Variants in TMEM41A observed in about 807,000 individuals in gnomAD.
TMEM41A encodes transmembrane protein 41A.
TMEM41A carries 20 observed loss-of-function variants against 25.7 expected under a neutral mutation model. The ratio of observed to expected loss-of-function variants is 0.78; its 90% CI spans 0.55 to 1.13. TMEM41A has a LOEUF of 1.13. Among genes scored for constraint, TMEM41A ranks in the 50% most tolerant of loss-of-function variants. The pLI, the probability that TMEM41A is intolerant of heterozygous loss-of-function variation, is 0.00. For synonymous variants in TMEM41A, 133 were observed against 139.6 expected, an observed-to-expected ratio of 0.95 and a Z score of 0.33; for missense variants, 299 against 314.3, an observed-to-expected ratio of 0.95 and a Z score of 0.37.
intron 3 of TMEM41A, 51 bp from the exon 4 acceptor site, chr3:185,494,812 G>A: frequency 1.9e-6 from 3 of 1,539,254 alleles, no homozygotes; most frequent in Non-Finnish European, 2.6e-6. Context: ...GTCTCCAGGT[G>A]TTGAAAACCT....
rs985244155 is a variant in TMEM41A at position 185,494,609 on chromosome 3, C to G, written c.574+14G>C. 1 of 1,583,606 alleles carries G rather than the reference C, an allele frequency of 6.3e-7. No homozygotes were observed. Among genetic ancestry groups the G allele is most frequent in the Non-Finnish European group, 8.6e-7 (1 of 1,167,266 alleles). ...CAGCTCTGAAGACTCAAACCTACCC[C>G]ACTAGCATCTTACCGATAAGAACTG... is the stretch of plus-strand genomic sequence containing the variant. On this transcript the variant is annotated intron_variant, in intron 4 of 4. Transcript: ENST00000421852.
intron 2 of TMEM41A, chr3:185,496,564 G>A (rs777577414): frequency 2.1e-5 from 11 of 517,446 alleles, no homozygotes; most frequent in Non-Finnish European, 3.5e-5. Context: ...TTCCGACAAG[G>A]AAACTGTTTG....
chr3:185,494,572 C>A (rs2148939099), intron 4 of TMEM41A, 51 bp downstream of exon 4: 1 of 1,510,276 alleles, frequency 6.6e-7, no homozygotes, highest in Non-Finnish European at 8.8e-7. Flanking sequence ...CCAGGGCAGA[C>A]CCCCAGCGTG....
In TMEM41A at chr3:185,491,698, A is replaced by G. The variant is rs745704425; in HGVS notation, c.634T>C (p.Ser212Pro). 1.9e-6 allele frequency: 3 copies of G among 1,614,228 alleles called. No individual in the cohort carries two copies. The highest frequency in any genetic ancestry group is 2.5e-6 in the Non-Finnish European group (3 of 1,180,038). The change falls in exon 5 of 5, where the codon TCT (serine) becomes CCT (proline). Residue 212 changes from serine to proline, a missense_variant. Coordinates refer to ENST00000421852, the MANE Select transcript of TMEM41A (RefSeq NM_080652.4). Reference sequence around the variant, plus strand: ...TCCCAGGAGAAAAGAGCATCCAGAGAGGTTAGGGTTGACAGGATGGACCCT... The same window carrying G: ...TCCCAGGAGAAAAGAGCATCCAGAGGGGTTAGGGTTGACAGGATGGACCCT... Reference protein sequence around the residue: ...QTGSILSTLTSLDALFSWDTV... With the variant: ...QTGSILSTLTPLDALFSWDTV...
chr3:185,496,767 AG>A (rs1324281971), intron 2 of TMEM41A, 60 bp downstream of exon 2: 1 of 1,554,692 alleles, frequency 6.4e-7, no homozygotes, highest in South Asian at 1.2e-5. Flanking sequence ...ATGAGGTTAC[AG>A]GGGAGTATCC....
intron 4 of TMEM41A, 106 bp from the exon 5 acceptor site, chr3:185,491,863 G>A: frequency 1.3e-6 from 1 of 768,942 alleles, no homozygotes; most frequent in East Asian, 2.7e-5. Context: ...TTTTTTGCTT[G>A]ACTCTTGACC....
rs146903551 is a variant in TMEM41A at position 185,494,623 on chromosome 3, C to A, written c.574G>T (p.Gly192Cys). ...IVQFFFSVLIGLIPYNFICVQ... is the reference protein window; with the variant it reads ...IVQFFFSVLICLIPYNFICVQ... ...CAAACCTACCCCACTAGCATCTTAC[C>A]GATAAGAACTGAGAAGAAGAACTGC... The change falls in exon 4 of 5, where the codon GGT becomes TGT. Residue 192 changes from glycine to cysteine, a missense_variant and splice_region_variant. Coordinates refer to ENST00000421852, the MANE Select transcript of TMEM41A (RefSeq NM_080652.4). 6.3e-7 allele frequency: 1 copy of A among 1,590,412 alleles called. No individual in the cohort carries two copies.
intron 4 of TMEM41A, 106 bp downstream of exon 4, chr3:185,494,517 A>G (rs1339586418): frequency 1.9e-5 from 24 of 1,270,280 alleles, no homozygotes; most frequent in Non-Finnish European, 2.4e-5. Flanking sequence ...ACACTTTGTG[A>G]GCCTGTGTTC....
At position 185,494,624 on chromosome 3, in the gene TMEM41A, G is replaced by A. The variant is rs372189636; in HGVS notation, c.573C>T (p.Ile191=). The change falls in exon 4 of 5, where the codon ATC becomes ATT. Residue 191 remains isoleucine (I), a splice_region_variant and synonymous_variant. Coordinates refer to ENST00000421852, the MANE Select transcript of TMEM41A (RefSeq NM_080652.4). ...AAACCTACCCCACTAGCATCTTACCGATAAGAACTGAGAAGAAGAACTGCA... is the reference window on the plus strand; with the variant it reads ...AAACCTACCCCACTAGCATCTTACCAATAAGAACTGAGAAGAAGAACTGCA... The part of the protein sequence containing the change: ...PIVQFFFSVL[I]GLIPYNFICV... 2.3e-5 allele frequency: 37 copies of A among 1,595,344 alleles called. No homozygotes were observed. The highest frequency in any genetic ancestry group is 8.9e-5 in the Admixed American group (5 of 56,320).
At position 185,496,879 on chromosome 3, in the gene TMEM41A, G is replaced by C. The variant is rs141827531; in HGVS notation, c.222C>G (p.Cys74Trp). Residue 74 changes from cysteine (C) to tryptophan (W), a missense_variant, in exon 2 of 5, where the codon TGC (cysteine) becomes TGG (tryptophan). Physicochemically the swap from Cys to Trp is radical, Grantham distance 215 (BLOSUM62 -2). Transcript: ENST00000421852. ...AGCCCTGTTTGTAGAGGTAGGCGCC[G>C]CAGAAGAGCAGGAACACGTAGGCCT... ...EHQAYVFLLFCGAYLYKQGFA... is the reference protein window; with the variant it reads ...EHQAYVFLLFWGAYLYKQGFA... The C allele has an allele frequency of 2.9e-5, 47 of 1,606,670 alleles. No individual in the cohort carries two copies. The East Asian group carries it at 1.0e-3, about 35-fold the overall frequency.
At chr3:185,497,764 G>A (rs1350104989) in intron 1 of TMEM41A, among the ~76,000 whole-genome samples, 10 of 152,164 alleles carry the variant, frequency 6.6e-5, no homozygotes, top group Non-Finnish European at 1.5e-4. Flanking sequence ...GACACCCACA[G>A]CAGAGCCTTC....
In TMEM41A at chr3:185,496,945, C is replaced by T; in HGVS notation, c.156G>A (p.Arg52=). 1 of 1,600,558 alleles carries T rather than the reference C, an allele frequency of 6.2e-7. No homozygotes were observed. The highest frequency in any genetic ancestry group is 1.1e-5 in the South Asian group (1 of 88,258). Residue 52 remains arginine (R), a synonymous_variant, in exon 2 of 5, where the codon CGG becomes CGA. Coordinates refer to ENST00000421852, the MANE Select transcript of TMEM41A (RefSeq NM_080652.4). ...ACTCTCGAAGGACCTCAGAGAGCTC[C>T]CGCAGCTCTGCCAGGTCGGAGGGGA... ...LWFPSDLAEL[R]ELSEVLREYR...
Position 185,489,615 on chromosome 3 carries a change from A to C in TMEM41A, c.*1922T>G, listed in dbSNP as rs141979960. ...AGCACCACACAGAACACTTACATCC[A>C]TTTATTTGGGAAATTGCTTCACCTG... On this transcript the variant is annotated 3_prime_UTR_variant, in exon 5 of 5. Transcript: ENST00000421852. 1 of 152,194 alleles carries C rather than the reference A, an allele frequency of 6.6e-6. No individual in the cohort carries two copies. Among genetic ancestry groups the C allele is most frequent in the East Asian group, 1.9e-4 (1 of 5,200 alleles). 9.4% of individuals were successfully genotyped at this position (152,194 alleles called of 1,614,324 possible). A position where few individuals can be genotyped will look rare whatever the true frequency, so the allele number is the denominator to read the frequency against.
chr3:185,498,925 C>A lies in TMEM41A; in HGVS notation c.37G>T (p.Gly13Cys), dbSNP rs1356599034. ...AGCAAGTACAAGGCGAAGGTGCAGC[C>A]GGCGAAGACCAGAAGGAGGCCGAGA... ...PLLGLLLVFAGCTFALYLLST... is the reference protein window; with the variant it reads ...PLLGLLLVFACCTFALYLLST... The change falls in exon 1 of 5, where the codon GGC becomes TGC. Residue 13 changes from glycine to cysteine, a missense_variant. Gly to Cys is a radical substitution (Grantham distance 159, BLOSUM62 -3). Coordinates refer to ENST00000421852, the MANE Select transcript of TMEM41A (RefSeq NM_080652.4). 1.9e-6 allele frequency: 3 copies of A among 1,604,726 alleles called. No homozygotes were observed. In the South Asian group the frequency reaches 3.4e-5, roughly 18 times the overall value.
chr3:185,494,611 C>G lies in TMEM41A; in HGVS notation c.574+12G>C. ...GCTCTGAAGACTCAAACCTACCCCACTAGCATCTTACCGATAAGAACTGAG... is the reference window on the plus strand; with the variant it reads ...GCTCTGAAGACTCAAACCTACCCCAGTAGCATCTTACCGATAAGAACTGAG... On this transcript the variant is annotated intron_variant, in intron 4 of 4. Coordinates refer to ENST00000421852, the MANE Select transcript of TMEM41A (RefSeq NM_080652.4). 6.3e-7 allele frequency: 1 copy of G among 1,584,692 alleles called. No homozygotes were observed. The highest frequency in any genetic ancestry group is 8.6e-7 in the Non-Finnish European group (1 of 1,167,852).
chr3:185,491,866 T>A, intron 4 of TMEM41A, 109 bp from the exon 5 acceptor site: 1 of 737,028 alleles, frequency 1.4e-6, no homozygotes, highest in African/African-American at 1.8e-5. Context: ...TTTGCTTGAC[T>A]CTTGACCCTT....
At chr3:185,498,116 T>G (rs1719162012) in intron 1 of TMEM41A, among the ~76,000 whole-genome samples, 1 of 106,410 alleles carries the variant, frequency 9.4e-6, no homozygotes, top group Non-Finnish European at 1.8e-5. Flanking sequence ...AATACAAAAA[T>G]TAGCCGGCCG....
intron 1 of TMEM41A, 116 bp from the exon 2 acceptor site, chr3:185,497,097 C>T: frequency 7.8e-7 from 1 of 1,274,414 alleles, no homozygotes; most frequent in Non-Finnish European, 1.1e-6. Context: ...ATCATCTGAT[C>T]TGCTGGGAAC....
chr3:185,494,819 A>C, intron 3 of TMEM41A, 58 bp from the exon 4 acceptor site: 1 of 1,530,766 alleles, frequency 6.5e-7, no homozygotes, highest in Non-Finnish European at 8.8e-7. Context: ...GGTGTTGAAA[A>C]CCTGCTGGTG....
Sources: gnomAD v4.1 joint callset for allele counts (sites outside exome capture counted in the v4.1 genomes callset) on GRCh38, gnomAD v4.1.1 for gene constraint, MANE v1.5 for transcripts, NCBI Gene and HGNC (gene_info 2026-07-23, HGNC 2026-07-21) for gene names.